Variants in ADARB2 observed in about 807,000 individuals in gnomAD.
ADARB2 encodes the protein inactive double-stranded RNA-specific editase B2.
Under a neutral mutation model 62.2 loss-of-function variants are expected in ADARB2, and 25 were observed. The observed-to-expected ratio is 0.40, with a 90% CI of 0.29 to 0.56. ADARB2 has a LOEUF of 0.56. ADARB2 is among the 20% of genes least tolerant of loss of function. The probability of loss-of-function intolerance (pLI) is 0.43; values close to 1 mark genes in which losing one functional copy is unlikely to be tolerated. For missense variants in ADARB2, 1,071 were observed against 1,077.4 expected (o/e 0.99, Z 0.08); for synonymous variants, 572 against 500.8 (o/e 1.14, Z -1.90).
intron 1 of ADARB2, among the ~76,000 whole-genome samples, chr10:1,531,009 C>G (rs772949476): frequency 6.6e-6 from 1 of 152,182 alleles, no homozygotes; most frequent in African/African-American, 2.4e-5. Flanking sequence ...TCGGCAAGGT[C>G]GGCCCTGAGC....
chr10:1,423,729 T>C (rs1006525017), intron 1 of ADARB2, among the ~76,000 whole-genome samples: 46 of 147,000 alleles, frequency 3.1e-4, no homozygotes, highest in African/African-American at 1.1e-3. Flanking sequence ...TGCAGTAAGA[T>C]CACTGTGTAT....
intron 1 of ADARB2, among the ~76,000 whole-genome samples, chr10:1,623,444 G>A (rs957613216): frequency 6.6e-5 from 10 of 152,194 alleles, no homozygotes; most frequent in African/African-American, 2.4e-4. Flanking sequence ...GATTACACTT[G>A]AGTAAGAATA....
At chr10:1,460,588 G>A (rs1446332308) in intron 1 of ADARB2, among the ~76,000 whole-genome samples, 1 of 102,986 alleles carries the variant, frequency 9.7e-6, no homozygotes, top group Admixed American at 9.2e-5. Flanking sequence ...GTTTACCTGC[G>A]TTACGAACCT....
chr10:1,247,629 G>A lies in ADARB2; in HGVS notation c.1193-5330C>T, dbSNP rs190081399. On this transcript the variant is annotated intron_variant, in intron 4 of 9. Transcript: ENST00000381312. ...AGGCATCAGGCAGCATAGTGAGGTG[G>A]AGAACAGAGCTCAGTAGCAGTTGAA... Among the ~76,000 whole-genome samples the A allele has an allele frequency of 5.9e-5, 9 of 152,302 alleles. No individual in the cohort carries two copies. The East Asian group carries it at 1.5e-3, about 26-fold the overall frequency.
intron 1 of ADARB2, among the ~76,000 whole-genome samples, chr10:1,564,917 T>C (rs1832837015): frequency 6.6e-6 from 1 of 152,204 alleles, no homozygotes; most frequent in African/African-American, 2.4e-5. Flanking sequence ...TCTCAATTCA[T>C]CTAATTTCTA....
At chr10:1,442,846 G>A (rs1041087552) in intron 1 of ADARB2, among the ~76,000 whole-genome samples, 7 of 152,104 alleles carry the variant, frequency 4.6e-5, no homozygotes, top group African/African-American at 1.7e-4. Flanking sequence ...GATGCTCGAG[G>A]GGTATGACCA....
At chr10:1,288,177 C>T (rs1831430901) in intron 3 of ADARB2, among the ~76,000 whole-genome samples, 1 of 152,252 alleles carries the variant, frequency 6.6e-6, no homozygotes, top group African/African-American at 2.4e-5. Context: ...GACACCAGTT[C>T]TCAAGCATTT....
chr10:1,272,523 C>T (rs186596921), intron 3 of ADARB2, among the ~76,000 whole-genome samples: 216 of 152,364 alleles, frequency 1.4e-3, no homozygotes, highest in African/African-American at 4.1e-3. Context: ...CAGGGCCCGG[C>T]GCAGTCTCCT....
intron 3 of ADARB2, among the ~76,000 whole-genome samples, chr10:1,305,647 T>G: frequency 6.6e-6 from 1 of 151,286 alleles, no homozygotes. Context: ...GATGCAAAAA[T>G]CCTCAATAAA....
chr10:1,222,497 A>G (rs1273597026), intron 6 of ADARB2, among the ~76,000 whole-genome samples: 5 of 150,312 alleles, frequency 3.3e-5, no homozygotes, highest in African/African-American at 1.3e-4. Context: ...GCCCATGCCA[A>G]TGTCCTGAAT....
intron 1 of ADARB2, among the ~76,000 whole-genome samples, chr10:1,689,976 GTTTT>G (rs1247629420): frequency 2.6e-5 from 4 of 152,018 alleles, no homozygotes; most frequent in Admixed American, 2.0e-4. Context: ...GAAATGTGGG[GTTTT>G]TTTGTTTTTG....
At chr10:1,475,631 A>G (rs538169216) in intron 1 of ADARB2, among the ~76,000 whole-genome samples, 11 of 152,260 alleles carry the variant, frequency 7.2e-5, no homozygotes, top group Non-Finnish European at 1.0e-4. Context: ...TTCACCTGGC[A>G]CATTCTGGCA....
At chr10:1,530,182 G>T (rs561312997) in intron 1 of ADARB2, among the ~76,000 whole-genome samples, 1 of 152,210 alleles carries the variant, frequency 6.6e-6, no homozygotes, top group Non-Finnish European at 1.5e-5. Flanking sequence ...CTCACCTGTT[G>T]CCCCTGCTAT....
intron 1 of ADARB2, among the ~76,000 whole-genome samples, chr10:1,574,181 A>G (rs1163716661): frequency 1.3e-5 from 2 of 152,142 alleles, no homozygotes; most frequent in East Asian, 3.9e-4. Context: ...GCCACAAGTG[A>G]TGTGGGCCGA....
At position 1,398,287 on chromosome 10, in the gene ADARB2, G is replaced by A. The variant is rs1832633413; in HGVS notation, c.101-19127C>T. Among the ~76,000 whole-genome samples, 1 of 152,164 alleles carries A rather than the reference G, an allele frequency of 6.6e-6. No homozygotes were observed. The highest frequency in any genetic ancestry group is 6.5e-5 in the Admixed American group (1 of 15,284). ...TCCCGAGTGCAGGCTTCCTGGGGCAGGGCTTCGCCTGCTTCCTGCAATTGT... is the reference window on the plus strand; with the variant it reads ...TCCCGAGTGCAGGCTTCCTGGGGCAAGGCTTCGCCTGCTTCCTGCAATTGT... On this transcript the variant is annotated intron_variant, in intron 1 of 9. Coordinates refer to ENST00000381312, the MANE Select transcript of ADARB2 (RefSeq NM_018702.4). The surrounding 1 kb of genome is among the most constrained non-coding windows in gnomAD (Gnocchi z 4.1).
intron 1 of ADARB2, among the ~76,000 whole-genome samples, chr10:1,687,352 G>A (rs2119122598): frequency 6.6e-6 from 1 of 152,234 alleles, no homozygotes; most frequent in East Asian, 1.9e-4. Flanking sequence ...AGGGACTCCA[G>A]AGGTGGCTTC....
chr10:1,220,285 ATGGTGGTGG>A (rs1316243887), intron 6 of ADARB2, among the ~76,000 whole-genome samples: 3 of 104,822 alleles, frequency 2.9e-5, no homozygotes, highest in Non-Finnish European at 3.9e-5. Flanking sequence ...GGTAATGGTG[ATGGTGGTGG>A]TGATGGTGGT....
At chr10:1,587,158 CAT>C (rs57182343) in intron 1 of ADARB2, among the ~76,000 whole-genome samples, 1,664 of 152,278 alleles carry the variant, frequency 0.011, 33 homozygotes, top group African/African-American at 0.038. Flanking sequence ...CCTGAGTACA[CAT>C]AGTTTGAGAG....
intron 1 of ADARB2, among the ~76,000 whole-genome samples, chr10:1,611,296 C>T (rs1240714554): frequency 1.3e-5 from 2 of 152,206 alleles, no homozygotes; most frequent in Non-Finnish European, 2.9e-5. Context: ...CATAAATCAG[C>T]GTGTGCTGCT....
Sources: allele counts gnomAD v4.1 joint callset (sites outside exome capture counted in the v4.1 genomes callset), GRCh38; gene constraint gnomAD v4.1.1; non-coding constraint Gnocchi (gnomAD v3.1); transcripts MANE v1.5; gene names NCBI Gene and HGNC (gene_info 2026-07-23, HGNC 2026-07-21).